Variants in NLGN4X observed in about 807,000 individuals in gnomAD.
NLGN4X encodes the protein neuroligin-4, X-linked.
In NLGN4X, 3 loss-of-function variants were observed where a neutral mutation model predicts 40.3. The observed-to-expected ratio is 0.07, with a 90% CI of 0.03 to 0.19. The LOEUF (loss-of-function observed/expected upper bound fraction) is 0.19, where lower values mean the gene tolerates loss of function less well. Among genes scored for constraint, NLGN4X ranks in the 10% least tolerant of loss-of-function variants. The pLI, the probability that NLGN4X is intolerant of heterozygous loss-of-function variation, is 1.00. For missense variants in NLGN4X, 382 were observed against 708.3 expected (o/e 0.54, Z 5.23); for synonymous variants, 270 against 306.8 (o/e 0.88, Z 1.25).
In NLGN4X at chrX:6,135,157, A is replaced by T. The variant is rs186746487; in HGVS notation, c.472+15838T>A. ...GGCATTAAATCTCAGACTATCTCTGATTTGCCACCAGCTGACAGCTTCCAG... is the reference window on the plus strand; with the variant it reads ...GGCATTAAATCTCAGACTATCTCTGTTTTGCCACCAGCTGACAGCTTCCAG... On this transcript the variant is annotated intron_variant, in intron 2 of 5. Transcript: ENST00000381095. Among the ~76,000 whole-genome samples the T allele has an allele frequency of 2.3e-3, 255 of 111,846 alleles. 1 individual carries two copies. The highest frequency in any genetic ancestry group is 8.0e-3 in the African/African-American group (246 of 30,815).
intron 5 of NLGN4X, among the ~76,000 whole-genome samples, chrX:5,894,929 G>A (rs997056100): frequency 8.9e-6 from 1 of 112,379 alleles, no homozygotes; most frequent in Non-Finnish European, 1.9e-5. Flanking sequence ...CTGATCAATG[G>A]CTCCAGGTGT....
rs765587358 is a variant in NLGN4X, at chrX:5,893,109, T to A, written c.2159A>T (p.Asp720Val). 2 of 1,209,585 alleles carry A rather than the reference T, an allele frequency of 1.7e-6. No individual in the cohort carries two copies. The highest frequency in any genetic ancestry group is 4.4e-5 in the Admixed American group (2 of 45,718). The change falls in exon 6 of 6, where the codon GAT becomes GTT. Residue 720 changes from aspartate to valine, a missense_variant. Transcript: ENST00000381095. Reference protein sequence around the residue: ...RPSPQRNTTNDIAHIQNEEIM... With the variant: ...RPSPQRNTTNVIAHIQNEEIM... ...CTCTTCGTTCTGGATGTGAGCGATA[T>A]CATTTGTGGTGTTTCTCTGGGGACT...
chrX:5,915,571 G>A (rs2032749885), intron 3 of NLGN4X, among the ~76,000 whole-genome samples: 1 of 111,705 alleles, frequency 9.0e-6, no homozygotes, highest in African/African-American at 3.3e-5. Context: ...ACAGACTCTC[G>A]CTCTGTCGCC....
intron 1 of NLGN4X, among the ~76,000 whole-genome samples, chrX:6,211,290 C>A (rs1164022464): frequency 9.0e-6 from 1 of 110,837 alleles, no homozygotes; most frequent in Non-Finnish European, 1.9e-5. Flanking sequence ...TGAAGAATGC[C>A]CAATTTGAAA....
chrX:5,983,220 C>G (rs2035440686), intron 3 of NLGN4X, among the ~76,000 whole-genome samples: 1 of 112,081 alleles, frequency 8.9e-6, no homozygotes, highest in Non-Finnish European at 1.9e-5. Flanking sequence ...ATGAAAGAAC[C>G]TAGAATTTCG....
intron 2 of NLGN4X, among the ~76,000 whole-genome samples, chrX:6,113,600 A>C (rs2039202435): frequency 9.1e-6 from 1 of 109,762 alleles, no homozygotes; most frequent in Non-Finnish European, 1.9e-5. Flanking sequence ...GAACTGTAAA[A>C]ATGGCCCAGA....
intron 1 of NLGN4X, among the ~76,000 whole-genome samples, chrX:6,216,274 T>A (rs1038260841): frequency 8.9e-6 from 1 of 111,776 alleles, no homozygotes; most frequent in South Asian, 3.7e-4. Context: ...GATAAGCAGC[T>A]CCCTTCCATT....
At chrX:6,143,779 G>T (rs969850002) in intron 2 of NLGN4X, among the ~76,000 whole-genome samples, 3 of 112,020 alleles carry the variant, frequency 2.7e-5, no homozygotes, top group African/African-American at 9.7e-5. Context: ...TGAGGCTAGG[G>T]TTCCAGACCA....
intron 1 of NLGN4X, chrX:6,187,367 G>GA (rs1232139905): frequency 1.9e-5 from 2 of 107,552 alleles, no homozygotes; most frequent in East Asian, 6.2e-4. Context: ...CAGCTACCCC[G>GA]GAGGCTGAGG....
At chrX:6,213,994 T>C (rs761915312) in intron 1 of NLGN4X, among the ~76,000 whole-genome samples, 1 of 111,938 alleles carries the variant, frequency 8.9e-6, no homozygotes, top group African/African-American at 3.2e-5. Flanking sequence ...AATCCTTAGA[T>C]GGGGAGTTGT....
intron 2 of NLGN4X, among the ~76,000 whole-genome samples, chrX:6,045,853 A>G (rs886439077): frequency 2.1e-4 from 23 of 111,534 alleles, no homozygotes; most frequent in African/African-American, 7.5e-4. Context: ...CTCGAAGCCT[A>G]TATGTTTTTA....
At chrX:5,973,555 G>A (rs2035086956) in intron 3 of NLGN4X, among the ~76,000 whole-genome samples, 1 of 111,428 alleles carries the variant, frequency 9.0e-6, no homozygotes, top group South Asian at 3.8e-4. Context: ...TGTGTGAAGG[G>A]CTCATGCCTG....
intron 2 of NLGN4X, among the ~76,000 whole-genome samples, chrX:6,079,301 T>C (rs2038286928): frequency 8.9e-6 from 1 of 112,190 alleles, no homozygotes; most frequent in Admixed American, 9.4e-5. Flanking sequence ...CTGGCTGTTA[T>C]TCAATCATCC....
rs113207052 is a variant in NLGN4X at position 6,210,828 on chromosome X, G to A, written c.-306+17713C>T. 7.1e-3 allele frequency among the ~76,000 whole-genome samples: 796 copies of A among 112,380 alleles called. 6 individuals carry two copies. Among genetic ancestry groups the A allele is most frequent in the African/African-American group, 0.023 (724 of 30,958 alleles). On this transcript the variant is annotated intron_variant, in intron 1 of 5. Coordinates refer to ENST00000381095, the MANE Select transcript of NLGN4X (RefSeq NM_181332.3). The stretch of plus-strand genomic sequence containing the variant: ...TTGCAGTGCTAGACCTTGACCTTGC[G>A]TGAGTTACAAAACTACGAGAAGATC...
intron 1 of NLGN4X, among the ~76,000 whole-genome samples, chrX:6,170,040 T>A (rs2040573658): frequency 9.2e-6 from 1 of 109,143 alleles, no homozygotes; most frequent in African/African-American, 3.3e-5. Context: ...AGGGTCTCAC[T>A]CTGTTGCCCA....
chrX:6,099,022 A>G (rs1169377805), intron 2 of NLGN4X, among the ~76,000 whole-genome samples: 3 of 112,003 alleles, frequency 2.7e-5, no homozygotes, highest in African/African-American at 9.7e-5. Flanking sequence ...GCCTCTTCCC[A>G]CTAGACATCA....
chrX:6,198,258 A>G (rs139488453), intron 1 of NLGN4X, among the ~76,000 whole-genome samples: 189 of 111,322 alleles, frequency 1.7e-3, no homozygotes, highest in African/African-American at 5.8e-3. Context: ...ACAACTAAAG[A>G]TTTGGGGGTT....
chrX:5,917,463 G>A (rs1445767841), intron 3 of NLGN4X, among the ~76,000 whole-genome samples: 1 of 112,531 alleles, frequency 8.9e-6, no homozygotes, highest in African/African-American at 3.2e-5. Context: ...ACTGCTTTTG[G>A]AGTTATTGCT....
At chrX:6,202,054 GAAGAA>G (rs1251264950) in intron 1 of NLGN4X, among the ~76,000 whole-genome samples, 1 of 110,963 alleles carries the variant, frequency 9.0e-6, no homozygotes, top group Non-Finnish European at 1.9e-5. Context: ...AGGAAAATTA[GAAGAA>G]TAGATTTGAG....
Sources: allele counts gnomAD v4.1 joint callset (sites outside exome capture counted in the v4.1 genomes callset), GRCh38; gene constraint gnomAD v4.1.1; transcripts MANE v1.5; gene names NCBI Gene and HGNC (gene_info 2026-07-23, HGNC 2026-07-21).